FAM135B: variants seen among roughly 807,000 people sequenced by gnomAD.
FAM135B encodes the protein protein FAM135B.
FAM135B carries 43 observed loss-of-function variants against 127.7 expected under a neutral mutation model. The ratio of observed to expected loss-of-function variants is 0.34; its 90% CI spans 0.26 to 0.43. FAM135B has a LOEUF of 0.43. FAM135B is among the 20% of genes least tolerant of loss of function. FAM135B has a pLI of 1.00. For synonymous variants in FAM135B, 670 were observed against 665.1 expected, an observed-to-expected ratio of 1.01 and a Z score of -0.11; for missense variants, 1,558 against 1,725.6, an observed-to-expected ratio of 0.90 and a Z score of 1.72.
At chr8:138,415,129 G>C (rs1834066400) in intron 1 of FAM135B, among the ~76,000 whole-genome samples, 1 of 152,156 alleles carries the variant, frequency 6.6e-6, no homozygotes, top group African/African-American at 2.4e-5. Flanking sequence ...CAATACTATA[G>C]CTCTCTGGAA....
At chr8:138,482,122 T>C (rs548412830) in intron 1 of FAM135B, among the ~76,000 whole-genome samples, 226 of 152,116 alleles carry the variant, frequency 1.5e-3, no homozygotes, top group African/African-American at 5.2e-3. Context: ...TCCCAGACTA[T>C]AGAGGGAGGA....
chr8:138,442,553 C>A (rs145320030), intron 1 of FAM135B, among the ~76,000 whole-genome samples: 1 of 151,824 alleles, frequency 6.6e-6, no homozygotes, highest in East Asian at 1.9e-4. Context: ...GTTGTCTCAA[C>A]CTGACCTCTA....
intron 1 of FAM135B, among the ~76,000 whole-genome samples, chr8:138,382,727 G>A (rs949283830): frequency 2.0e-5 from 3 of 152,066 alleles, no homozygotes; most frequent in Non-Finnish European, 2.9e-5. Flanking sequence ...TATTCTTAAC[G>A]TCCTATTGTG....
intron 1 of FAM135B, among the ~76,000 whole-genome samples, chr8:138,482,223 C>T (rs1355950034): frequency 6.6e-6 from 1 of 152,132 alleles, no homozygotes; most frequent in Admixed American, 6.5e-5. Context: ...TGGGAAACAA[C>T]AAGGTCCATA....
At chr8:138,145,860 C>T in intron 15 of FAM135B, 99 bp downstream of exon 15, 1 of 682,602 alleles carries the variant, frequency 1.5e-6, no homozygotes, top group Admixed American at 2.4e-5. Context: ...AAGGTCTCCT[C>T]CTATCTGTGT....
At chr8:138,355,954 G>C (rs1391020753) in intron 2 of FAM135B, among the ~76,000 whole-genome samples, 2 of 152,148 alleles carry the variant, frequency 1.3e-5, no homozygotes, top group Non-Finnish European at 2.9e-5. Flanking sequence ...AGTAATTAGG[G>C]CTTTGTCCTC....
intron 1 of FAM135B, chr8:138,450,444 A>G (rs549429044): frequency 1.3e-5 from 2 of 152,310 alleles, no homozygotes; most frequent in South Asian, 4.1e-4. Context: ...CAGGGATTAT[A>G]TCATTTTGCA....
intron 1 of FAM135B, among the ~76,000 whole-genome samples, chr8:138,434,853 C>CA (rs140029623): frequency 0.021 from 3,180 of 152,310 alleles, 42 homozygotes; most frequent in Non-Finnish European, 0.034. Flanking sequence ...TCACTAATAA[C>CA]AGTGACACCA....
At chr8:138,490,166 G>T (rs1815142442) in intron 1 of FAM135B, among the ~76,000 whole-genome samples, 1 of 152,178 alleles carries the variant, frequency 6.6e-6, no homozygotes, top group South Asian at 2.1e-4. Context: ...GTCCAGGGAG[G>T]TTAAGTTCCT....
At chr8:138,357,632 T>G (rs751726558) in intron 2 of FAM135B, among the ~76,000 whole-genome samples, 6 of 152,074 alleles carry the variant, frequency 3.9e-5, no homozygotes, top group Non-Finnish European at 5.9e-5. Flanking sequence ...GGAATACATT[T>G]AAAACTGCTT....
intron 2 of FAM135B, among the ~76,000 whole-genome samples, chr8:138,350,398 C>A (rs760250883): frequency 1.3e-5 from 2 of 152,084 alleles, no homozygotes; most frequent in African/African-American, 2.4e-5. Flanking sequence ...CAAATCAATC[C>A]TTTTGATGCA....
intron 5 of FAM135B, among the ~76,000 whole-genome samples, chr8:138,254,847 G>A (rs1440537531): frequency 6.6e-6 from 1 of 152,070 alleles, no homozygotes; most frequent in African/African-American, 2.4e-5. Context: ...ATCAGCGGAT[G>A]CCCCTTCTCA....
At chr8:138,249,923 T>TA (rs1821573075) in intron 6 of FAM135B, among the ~76,000 whole-genome samples, 2 of 152,202 alleles carry the variant, frequency 1.3e-5, no homozygotes, top group African/African-American at 2.4e-5. Flanking sequence ...TGGGAGTAGA[T>TA]ATGAAGACAG....
At chr8:138,298,602 C>T (rs527890419) in intron 3 of FAM135B, among the ~76,000 whole-genome samples, 4 of 152,194 alleles carry the variant, frequency 2.6e-5, no homozygotes, top group African/African-American at 7.2e-5. Flanking sequence ...TGACCCCAAG[C>T]GAACCAGGAC....
intron 1 of FAM135B, among the ~76,000 whole-genome samples, chr8:138,388,100 T>C (rs1325026957): frequency 6.6e-6 from 1 of 151,924 alleles, no homozygotes; most frequent in Non-Finnish European, 1.5e-5. Flanking sequence ...AACAAACCCC[T>C]CAGCACAAAA....
intron 9 of FAM135B, among the ~76,000 whole-genome samples, chr8:138,193,764 C>T (rs372678072): frequency 5.3e-5 from 8 of 152,128 alleles, no homozygotes; most frequent in Non-Finnish European, 8.8e-5. Flanking sequence ...AGGGTCCTTG[C>T]GTGAGCTCTC....
intron 1 of FAM135B, among the ~76,000 whole-genome samples, chr8:138,485,113 T>C (rs954022966): frequency 6.6e-6 from 1 of 152,366 alleles, no homozygotes; most frequent in African/African-American, 2.4e-5. Context: ...AATAGTTTTA[T>C]ATTTAATTTT....
intron 7 of FAM135B, among the ~76,000 whole-genome samples, chr8:138,237,862 T>C (rs1403957220): frequency 1.3e-5 from 2 of 152,152 alleles, no homozygotes; most frequent in Non-Finnish European, 2.9e-5. Flanking sequence ...AAATCTAAAA[T>C]ATACACACAC....
At chr8:138,214,734 G>A (rs1818417954) in intron 7 of FAM135B, among the ~76,000 whole-genome samples, 1 of 152,064 alleles carries the variant, frequency 6.6e-6, no homozygotes, top group African/African-American at 2.4e-5. Flanking sequence ...TACGATTCTA[G>A]CAGAAAGTAC....
Sources: allele counts gnomAD v4.1 joint callset (sites outside exome capture counted in the v4.1 genomes callset), GRCh38; gene constraint gnomAD v4.1.1; transcripts MANE v1.5; gene names NCBI Gene and HGNC (gene_info 2026-07-23, HGNC 2026-07-21).